Variants in SKAP1 observed in about 807,000 individuals in gnomAD.
The protein encoded by SKAP1 is src kinase-associated phosphoprotein 1.
In SKAP1, 44 loss-of-function variants were observed where a neutral mutation model predicts 58.5. That is an observed-to-expected ratio of 0.75 (90% CI 0.59 to 0.97). The LOEUF (loss-of-function observed/expected upper bound fraction) is 0.97, where lower values mean the gene tolerates loss of function less well. Ranked by LOEUF, SKAP1 falls within the 50% of genes least tolerant of loss-of-function variation. The pLI is 0.00. For missense variants in SKAP1, 390 were observed against 435.2 expected, an observed-to-expected ratio of 0.90 and a Z score of 0.92; for synonymous variants, 127 against 149.7, an observed-to-expected ratio of 0.85 and a Z score of 1.11.
intron 8 of SKAP1, among the ~76,000 whole-genome samples, chr17:48,181,878 G>A (rs914574430): frequency 1.3e-5 from 2 of 152,134 alleles, no homozygotes; most frequent in African/African-American, 2.4e-5. Flanking sequence ...CTTCAGGCAG[G>A]ACTCTTCCCA....
intron 1 of SKAP1, among the ~76,000 whole-genome samples, chr17:48,412,594 G>T (rs1183062864): frequency 1.3e-5 from 2 of 152,084 alleles, no homozygotes; most frequent in African/African-American, 4.8e-5. Context: ...GAGTGTTAAA[G>T]TATATACTTT....
chr17:48,239,761 C>T (rs2065223176), intron 4 of SKAP1, among the ~76,000 whole-genome samples: 1 of 151,872 alleles, frequency 6.6e-6, no homozygotes, highest in African/African-American at 2.4e-5. Flanking sequence ...TACACATACT[C>T]ACACGTATCT....
At chr17:48,193,714 C>T in intron 4 of SKAP1, 1 of 984,608 alleles carries the variant, frequency 1.0e-6, no homozygotes, top group Non-Finnish European at 1.2e-6. Context: ...TGAGGATGAA[C>T]AGTGTTAGCC....
At chr17:48,376,652 CAA>C (rs907098745) in intron 2 of SKAP1, among the ~76,000 whole-genome samples, 4 of 152,182 alleles carry the variant, frequency 2.6e-5, no homozygotes, top group African/African-American at 9.7e-5. Flanking sequence ...CTCTGTATCT[CAA>C]GTTACGAATA....
At chr17:48,411,265 T>C (rs887154174) in intron 1 of SKAP1, among the ~76,000 whole-genome samples, 2 of 151,944 alleles carry the variant, frequency 1.3e-5, no homozygotes, top group East Asian at 3.9e-4. Flanking sequence ...CTGGGTGTGC[T>C]GGTGCCTACC....
At chr17:48,379,011 A>G (rs1341984526) in intron 2 of SKAP1, among the ~76,000 whole-genome samples, 10 of 152,154 alleles carry the variant, frequency 6.6e-5, no homozygotes, top group Admixed American at 5.9e-4. Flanking sequence ...GGGTGCCTTC[A>G]TTTTCCTCTA....
chr17:48,137,489 A>T lies in SKAP1; in HGVS notation c.979-152T>A, dbSNP rs185288900. 3.2e-4 allele frequency: 169 copies of T among 525,014 alleles called. 2 individuals carry two copies. In the Admixed American group the frequency reaches 5.5e-3, roughly 17 times the overall value. The allele number at this position is 525,014 out of a possible 1,614,324, so 32.5% of individuals were successfully genotyped here. On this transcript the variant is annotated intron_variant, in intron 11 of 12. Coordinates refer to ENST00000336915, the MANE Select transcript of SKAP1 (RefSeq NM_003726.4). ...CTTCCCTGATGGGATTATTAAATTT[A>T]AAAAAATCATCTAGAGGAAGAGAGC...
intron 1 of SKAP1, among the ~76,000 whole-genome samples, chr17:48,417,561 A>G (rs1689425488): frequency 6.6e-6 from 1 of 152,166 alleles, no homozygotes; most frequent in Non-Finnish European, 1.5e-5. Flanking sequence ...CCTGGGCAAC[A>G]TGATGAAACC....
At chr17:48,337,742 A>G (rs928447902) in intron 4 of SKAP1, among the ~76,000 whole-genome samples, 14 of 152,368 alleles carry the variant, frequency 9.2e-5, no homozygotes, top group African/African-American at 3.1e-4. Context: ...AAGAACATAT[A>G]TAGGCAAGAG....
At chr17:48,294,175 G>T (rs193048821) in intron 4 of SKAP1, among the ~76,000 whole-genome samples, 1 of 152,106 alleles carries the variant, frequency 6.6e-6, no homozygotes, top group Non-Finnish European at 1.5e-5. Context: ...TAATCTAATG[G>T]AGTAAAGTCC....
chr17:48,193,050 C>T (rs1567814453), intron 4 of SKAP1, among the ~76,000 whole-genome samples: 1 of 151,778 alleles, frequency 6.6e-6, no homozygotes, highest in South Asian at 2.1e-4. Flanking sequence ...TTCTTTCTTT[C>T]TTTTTTTTGA....
At chr17:48,196,802 T>C (rs2064638516) in intron 4 of SKAP1, 1 of 152,268 alleles carries the variant, frequency 6.6e-6, no homozygotes, top group South Asian at 2.1e-4. Flanking sequence ...TACTTTTAAA[T>C]GTACTAACTG....
chr17:48,359,902 G>T (rs982315146), intron 3 of SKAP1, among the ~76,000 whole-genome samples: 1 of 152,016 alleles, frequency 6.6e-6, no homozygotes, highest in Non-Finnish European at 1.5e-5. Flanking sequence ...ACTGTGCCTG[G>T]CCTGCCAGGC....
chr17:48,158,329 G>A (rs1412918821), intron 11 of SKAP1, among the ~76,000 whole-genome samples: 1 of 151,148 alleles, frequency 6.6e-6, no homozygotes. Context: ...GGCGGATCAC[G>A]AGGTCAGGAG....
At chr17:48,143,039 A>G (rs1598357992) in intron 11 of SKAP1, among the ~76,000 whole-genome samples, 1 of 149,080 alleles carries the variant, frequency 6.7e-6, no homozygotes, top group East Asian at 2.0e-4. Flanking sequence ...CTGGTCCTGA[A>G]CTCCTGGGTT....
At chr17:48,262,307 G>T (rs2065494040) in intron 4 of SKAP1, among the ~76,000 whole-genome samples, 1 of 152,136 alleles carries the variant, frequency 6.6e-6, no homozygotes, top group Non-Finnish European at 1.5e-5. Flanking sequence ...TCATAAAAAT[G>T]ACTCACCAAA....
intron 4 of SKAP1, among the ~76,000 whole-genome samples, chr17:48,229,691 G>A (rs1410827419): frequency 6.6e-6 from 1 of 151,916 alleles, no homozygotes; most frequent in Non-Finnish European, 1.5e-5. Context: ...AAACTCACAG[G>A]TTCAACTCAT....
At chr17:48,430,045 C>T in intron 1 of SKAP1, 30 bp downstream of exon 1, 1 of 1,263,342 alleles carries the variant, frequency 7.9e-7, no homozygotes, top group Admixed American at 4.2e-5. Context: ...TTCGGCTCAG[C>T]ACTGGAGGGG....
chr17:48,401,083 A>G (rs2067493599), intron 1 of SKAP1, among the ~76,000 whole-genome samples: 1 of 152,168 alleles, frequency 6.6e-6, no homozygotes, highest in African/African-American at 2.4e-5. Context: ...AGACGGGTGG[A>G]TCACCTGAGG....
Sources: gnomAD v4.1 joint callset for allele counts (sites outside exome capture counted in the v4.1 genomes callset) on GRCh38, gnomAD v4.1.1 for gene constraint, MANE v1.5 for transcripts, NCBI Gene and HGNC (gene_info 2026-07-23, HGNC 2026-07-21) for gene names.